NLRP11: variants seen among roughly 807,000 people sequenced by gnomAD.
NLRP11 encodes the protein NLR family pyrin domain containing 11, also known as NACHT, LRR and PYD domains-containing protein 11.
In NLRP11, 53 loss-of-function variants were observed where a neutral mutation model predicts 79.3. The ratio of observed to expected loss-of-function variants is 0.67; its 90% CI spans 0.54 to 0.84. The LOEUF (loss-of-function observed/expected upper bound fraction) is 0.84. Ranked by LOEUF, NLRP11 falls within the 40% of genes least tolerant of loss-of-function variation. The pLI is 0.00. For synonymous variants in NLRP11, 518 were observed against 462.6 expected, an observed-to-expected ratio of 1.12 and a Z score of -1.54; for missense variants, 1,264 against 1,255.0, an observed-to-expected ratio of 1.01 and a Z score of -0.11.
chr19:55,788,909 G>A, exon 9 of NLRP11: 1 of 1,613,958 alleles, frequency 6.2e-7, no homozygotes, highest in Non-Finnish European at 8.5e-7. Context: ...TCTTTCTAGT[G>A]TTTTGTTGGT....
intron 5 of NLRP11, among the ~76,000 whole-genome samples, chr19:55,796,644 C>T (rs1200243329): frequency 6.6e-6 from 1 of 152,048 alleles, no homozygotes; most frequent in African/African-American, 2.4e-5. Context: ...GTTTTTTCTG[C>T]ATAGCCTTGG....
At position 55,809,831 on chromosome 19, in the gene NLRP11, A is replaced by G; in HGVS notation, c.779T>C (p.Val260Ala). 6.2e-7 allele frequency: 1 copy of G among 1,614,164 alleles called. No individual in the cohort carries two copies. Among genetic ancestry groups the G allele is most frequent in the Non-Finnish European group, 8.5e-7 (1 of 1,180,016 alleles). The change falls in exon 3 of 10, where the codon GTC (valine) becomes GCC (alanine). Residue 260 changes from valine to alanine, a missense_variant. Coordinates refer to ENST00000589093, the Ensembl canonical transcript of NLRP11. The surrounding 1 kb of genome is among the most constrained non-coding windows in gnomAD (Gnocchi z 4.5). ...AGCCATTTTTCTCTTCAGCAAACTG[A>G]CCAGGAGAACTGGAATGGGAACTTT...
At chr19:55,808,050 C>A in intron 3 of NLRP11, 36 bp from the exon 4 acceptor site, 1 of 1,419,974 alleles carries the variant, frequency 7.0e-7, no homozygotes, top group South Asian at 1.3e-5. Flanking sequence ...CCAATGGAAT[C>A]GATTCAACTC....
At chr19:55,827,243 A>G (rs1175934926) in intron 1 of NLRP11, among the ~76,000 whole-genome samples, 1 of 141,670 alleles carries the variant, frequency 7.1e-6, no homozygotes, top group African/African-American at 2.7e-5. Context: ...TCCCTTCCTT[A>G]CACCTTATAC....
At chr19:55,785,493 TCACACACACA>T (rs878891245) in exon 10 of NLRP11, 4,940 of 423,576 alleles carry the variant, frequency 0.012, 4 homozygotes, top group East Asian at 0.02. Context: ...TGGATCAAGG[TCACACACACA>T]CACACACACA....
At chr19:55,801,358 G>A (rs1220753761) in intron 5 of NLRP11, among the ~76,000 whole-genome samples, 2 of 152,120 alleles carry the variant, frequency 1.3e-5, no homozygotes, top group African/African-American at 4.8e-5. Context: ...TCAAGGGAGG[G>A]AGAAGCCATG....
chr19:55,814,089 C>T (rs549192760), intron 2 of NLRP11, among the ~76,000 whole-genome samples: 84 of 152,204 alleles, frequency 5.5e-4, no homozygotes, highest in African/African-American at 1.9e-3. Flanking sequence ...CGCTCCCCAT[C>T]GCTCACATTA....
chr19:55,801,816 C>G (rs923277509), intron 4 of NLRP11, 77 bp from the exon 5 acceptor site: 38 of 1,203,524 alleles, frequency 3.2e-5, no homozygotes, highest in Non-Finnish European at 4.1e-5. Flanking sequence ...GCCTGCCTCA[C>G]TTCATCCTGT....
At chr19:55,818,534 G>T (rs1364088276) in intron 1 of NLRP11, among the ~76,000 whole-genome samples, 1 of 152,204 alleles carries the variant, frequency 6.6e-6, no homozygotes, top group African/African-American at 2.4e-5. Context: ...AGAAACTTTG[G>T]AGGGGAGTGT....
chr19:55,812,936 T>G (rs909825129), intron 2 of NLRP11, among the ~76,000 whole-genome samples: 1 of 152,224 alleles, frequency 6.6e-6, no homozygotes, highest in Non-Finnish European at 1.5e-5. Flanking sequence ...CATTTTCCAC[T>G]GTTATTTCAG....
At chr19:55,800,606 G>A (rs913003484) in intron 5 of NLRP11, among the ~76,000 whole-genome samples, 2 of 152,096 alleles carry the variant, frequency 1.3e-5, no homozygotes, top group Non-Finnish European at 2.9e-5. Context: ...TGAGCTACCA[G>A]GCTTGGCTAG....
chr19:55,813,330 A>T (rs1980787165), intron 2 of NLRP11, among the ~76,000 whole-genome samples: 1 of 152,122 alleles, frequency 6.6e-6, no homozygotes, highest in African/African-American at 2.4e-5. Flanking sequence ...AAAGCAGAGG[A>T]AAGTTACAGG....
rs2547267 is a variant in NLRP11 at position 55,821,311 on chromosome 19, T to A, written c.-62-3075A>T. Reference sequence around the variant, plus strand: ...GCCAATACCTCGTGTGTGTTTTTTATCACTTGCTGCTGGGGGAATTCCACA... The same window carrying A: ...GCCAATACCTCGTGTGTGTTTTTTAACACTTGCTGCTGGGGGAATTCCACA... On this transcript the variant is annotated intron_variant, in intron 1 of 9. Transcript: ENST00000589093. Among the ~76,000 whole-genome samples, 11 of 150,828 alleles carry A rather than the reference T, an allele frequency of 7.3e-5. 1 individual carries two copies. Among genetic ancestry groups the A allele is most frequent in the Admixed American group, 5.9e-4 (9 of 15,184 alleles).
intron 5 of NLRP11, among the ~76,000 whole-genome samples, chr19:55,797,244 A>C (rs1443870288): frequency 6.6e-6 from 1 of 152,106 alleles, no homozygotes; most frequent in Non-Finnish European, 1.5e-5. Context: ...GGCTGCAGTG[A>C]GCTATGATCA....
intron 2 of NLRP11, among the ~76,000 whole-genome samples, chr19:55,813,279 G>C (rs1043084070): frequency 6.6e-6 from 1 of 152,148 alleles, no homozygotes; most frequent in African/African-American, 2.4e-5. Flanking sequence ...AGTGAGCCAA[G>C]ATTGCACCAC....
chr19:55,799,699 T>C (rs1357016724), intron 5 of NLRP11, among the ~76,000 whole-genome samples: 3 of 152,060 alleles, frequency 2.0e-5, no homozygotes, highest in East Asian at 1.9e-4. Context: ...ATTTGAACTA[T>C]GTCAGAAAGA....
chr19:55,800,042 G>T (rs977705224), intron 5 of NLRP11, among the ~76,000 whole-genome samples: 1 of 152,130 alleles, frequency 6.6e-6, no homozygotes, highest in African/African-American at 2.4e-5. Flanking sequence ...TGCTCAAATG[G>T]CTGAAGGACG....
intron 9 of NLRP11, among the ~76,000 whole-genome samples, chr19:55,786,080 C>T (rs1301738018): frequency 6.6e-6 from 1 of 152,238 alleles, no homozygotes; most frequent in Non-Finnish European, 1.5e-5. Context: ...AAGATTTCCA[C>T]TGGGAGAACT....
At chr19:55,789,546 G>T (rs1990113939) in intron 7 of NLRP11, 147 bp from the exon 8 acceptor site, 1 of 683,226 alleles carries the variant, frequency 1.5e-6, no homozygotes, top group Non-Finnish European at 2.5e-6. Context: ...ACATCTACAG[G>T]TCACTTACAA....
Sources: allele counts gnomAD v4.1 joint callset (sites outside exome capture counted in the v4.1 genomes callset), GRCh38; gene constraint gnomAD v4.1.1; non-coding constraint Gnocchi (gnomAD v3.1); transcripts MANE v1.5; gene names NCBI Gene and HGNC (gene_info 2026-07-23, HGNC 2026-07-21).